The following PTPRN2 variants were observed in gnomAD, a reference collection of about 807,000 sequenced individuals.
PTPRN2 encodes receptor-type tyrosine-protein phosphatase N2.
Under a neutral mutation model 118.8 loss-of-function variants are expected in PTPRN2, and 74 were observed. The ratio of observed to expected loss-of-function variants is 0.62; its 90% CI spans 0.52 to 0.76. The LOEUF (loss-of-function observed/expected upper bound fraction) is 0.76, where lower values mean the gene tolerates loss of function less well. Ranked by LOEUF, PTPRN2 falls within the 30% of genes least tolerant of loss-of-function variation. PTPRN2 has a pLI of 0.00. For synonymous variants in PTPRN2, 641 were observed against 608.0 expected (o/e 1.05, Z -0.80); for missense variants, 1,481 against 1,394.4 (o/e 1.06, Z -0.99).
intron 1 of PTPRN2, among the ~76,000 whole-genome samples, chr7:158,533,254 A>C (rs568490999): frequency 6.6e-6 from 1 of 152,364 alleles, no homozygotes; most frequent in Non-Finnish European, 1.5e-5. Flanking sequence ...CCTCGCTCAC[A>C]GGGCAGCGCC....
At chr7:158,447,979 G>A (rs941364558) in intron 2 of PTPRN2, among the ~76,000 whole-genome samples, 6 of 152,188 alleles carry the variant, frequency 3.9e-5, no homozygotes, top group Non-Finnish European at 5.9e-5. Flanking sequence ...CGGCATCATC[G>A]TCAGCCCGAG....
intron 3 of PTPRN2, among the ~76,000 whole-genome samples, chr7:158,224,396 C>A (rs1412782036): frequency 6.6e-6 from 1 of 152,060 alleles, no homozygotes; most frequent in East Asian, 1.9e-4. Flanking sequence ...TGAACAGATA[C>A]AAATAATACA....
chr7:158,366,887 T>C (rs140349075), intron 2 of PTPRN2, among the ~76,000 whole-genome samples: 59 of 152,112 alleles, frequency 3.9e-4, no homozygotes, highest in African/African-American at 1.4e-3. Context: ...GGAAAGCAAA[T>C]AGGATTTAAA....
intron 11 of PTPRN2, among the ~76,000 whole-genome samples, chr7:158,020,074 A>G (rs1040054037): frequency 1.3e-5 from 2 of 152,208 alleles, no homozygotes; most frequent in African/African-American, 4.8e-5. Context: ...TGAGAGCCCA[A>G]GCTGGGGCCC....
At position 157,674,521 on chromosome 7, in the gene PTPRN2, C is replaced by T. The variant is rs911221469; in HGVS notation, c.2001+8204G>A. On this transcript the variant is annotated intron_variant, in intron 13 of 22. Coordinates refer to ENST00000389418, the MANE Select transcript of PTPRN2 (RefSeq NM_002847.5). This position sits in a 1 kb window ranked among gnomAD's most constrained non-coding sequence, Gnocchi z 4.5. ...CATCATTCCTCATCCCACCACCCCG[C>T]GCAGCGTCTTGCCTCCTTTTATGCC... Among the ~76,000 whole-genome samples, 3 of 152,382 alleles carry T rather than the reference C, an allele frequency of 2.0e-5. No homozygotes were observed. The highest frequency in any genetic ancestry group is 2.1e-4 in the South Asian group (1 of 4,832).
At chr7:157,747,383 G>A (rs1223155875) in intron 12 of PTPRN2, among the ~76,000 whole-genome samples, 107 of 132,732 alleles carry the variant, frequency 8.1e-4, no homozygotes, top group Middle Eastern at 4.4e-3. Context: ...TCCCTGAGCT[G>A]TGGGCTGTTG....
At position 157,872,481 on chromosome 7, in the gene PTPRN2, ACG is replaced by A. The variant is rs1385661136; in HGVS notation, c.1788+26190_1788+26191del. Among the ~76,000 whole-genome samples, 466 of 151,600 alleles carry A rather than the reference ACG, an allele frequency of 3.1e-3. 9 individuals are homozygous for A. Among genetic ancestry groups the A allele is most frequent in the African/African-American group, 0.011 (441 of 41,252 alleles). ...CGCATATCCAGTGTCCTCCCCACAC[ACG>A]CATATCCAGTGTCCTCCCCACACAC... On this transcript the variant is annotated intron_variant, in intron 12 of 22. Transcript: ENST00000389418.
chr7:158,312,658 CAT>C (rs1801932228), intron 3 of PTPRN2, among the ~76,000 whole-genome samples: 7 of 148,786 alleles, frequency 4.7e-5, no homozygotes, highest in East Asian at 2.1e-4. Flanking sequence ...AGTGTGCATG[CAT>C]GTGTGCCTGC....
At chr7:157,561,556 G>C (rs113726723) in intron 21 of PTPRN2, among the ~76,000 whole-genome samples, 83 of 152,318 alleles carry the variant, frequency 5.4e-4, no homozygotes, top group African/African-American at 1.8e-3. Context: ...GACTGAGCAG[G>C]GTTCTGCATC....
chr7:158,216,256 G>A (rs1344464132), intron 3 of PTPRN2, among the ~76,000 whole-genome samples: 2 of 151,842 alleles, frequency 1.3e-5, no homozygotes, highest in African/African-American at 2.4e-5. Context: ...TAGATAAAGT[G>A]GATTTCCAAA....
At chr7:158,262,407 CAT>C (rs1175549219) in intron 3 of PTPRN2, among the ~76,000 whole-genome samples, 11 of 149,046 alleles carry the variant, frequency 7.4e-5, no homozygotes, top group Non-Finnish European at 1.2e-4. Context: ...TGCACACACA[CAT>C]ACATACATTC....
intron 12 of PTPRN2, among the ~76,000 whole-genome samples, chr7:157,688,064 G>T (rs1019142136): frequency 1.3e-5 from 2 of 152,156 alleles, no homozygotes; most frequent in African/African-American, 4.8e-5. Context: ...AGATGAAATT[G>T]TACTTGCAAA....
At chr7:158,429,730 GCT>G (rs1254046805) in intron 2 of PTPRN2, among the ~76,000 whole-genome samples, 2 of 152,220 alleles carry the variant, frequency 1.3e-5, no homozygotes, top group Non-Finnish European at 2.9e-5. Flanking sequence ...CTAATTCATG[GCT>G]TTTTTATTAA....
intron 1 of PTPRN2, among the ~76,000 whole-genome samples, chr7:158,584,989 A>T (rs895194266): frequency 1.3e-5 from 2 of 152,228 alleles, no homozygotes; most frequent in African/African-American, 4.8e-5. Flanking sequence ...GGAGGCCTCA[A>T]CGTGAAGTTG....
intron 2 of PTPRN2, among the ~76,000 whole-genome samples, chr7:158,335,722 C>G (rs1805423409): frequency 8.1e-5 from 1 of 12,338 alleles, no homozygotes; most frequent in African/African-American, 2.7e-4. Flanking sequence ...GTGACACCTG[C>G]AAACGTCACT....
chr7:157,794,969 AT>A lies in PTPRN2; in HGVS notation c.1788+103703del, dbSNP rs1405474734. On this transcript the variant is annotated intron_variant, in intron 12 of 22. Transcript: ENST00000389418. The surrounding 1 kb of genome is among the most constrained non-coding windows in gnomAD (Gnocchi z 5.2). ...TCCCTCACTTAGCGGGGATGCAATT[AT>A]AAAGTATTGAAACTTCCTCTAAGAC... Among the ~76,000 whole-genome samples, 1 of 152,244 alleles carries A rather than the reference AT, an allele frequency of 6.6e-6. No individual in the cohort carries two copies. Among genetic ancestry groups the A allele is most frequent in the Non-Finnish European group, 1.5e-5 (1 of 68,046 alleles).
chr7:158,071,634 GTGGAGATGCTCGTGGTGA>G (rs1811748904), intron 11 of PTPRN2, among the ~76,000 whole-genome samples: 103 of 136,638 alleles, frequency 7.5e-4, no homozygotes, highest in East Asian at 1.1e-3. Flanking sequence ...GCTCGTGGTG[GTGGAGATGCTCGTGGTGA>G]TGGAGGTGCT....
In PTPRN2 at chr7:157,550,801, C is replaced by T. The variant is rs572707377; in HGVS notation, c.2903-1782G>A. ...CACCAGGGAACTAGCTGGCAGCTCA[C>T]GCGGGTGGAAGGCGGGGTCAGGTGC... On this transcript the variant is annotated intron_variant, in intron 21 of 22. Coordinates refer to ENST00000389418, the MANE Select transcript of PTPRN2 (RefSeq NM_002847.5). The surrounding 1 kb of genome is among the most constrained non-coding windows in gnomAD (Gnocchi z 5.2). 5.9e-5 allele frequency among the ~76,000 whole-genome samples: 9 copies of T among 152,318 alleles called. No homozygotes were observed. The East Asian group carries it at 7.7e-4, about 13-fold the overall frequency.
chr7:158,191,937 G>C (rs1439185723), intron 5 of PTPRN2, among the ~76,000 whole-genome samples: 2 of 152,128 alleles, frequency 1.3e-5, no homozygotes, highest in Admixed American at 1.3e-4. Context: ...CCATGTTCAT[G>C]GCCCCTCAGT....
Sources: allele counts gnomAD v4.1 joint callset (sites outside exome capture counted in the v4.1 genomes callset), GRCh38; gene constraint gnomAD v4.1.1; non-coding constraint Gnocchi (gnomAD v3.1); transcripts MANE v1.5; gene names NCBI Gene and HGNC (gene_info 2026-07-23, HGNC 2026-07-21).